Variants in JAKMIP2 observed in about 807,000 individuals in gnomAD.
JAKMIP2 encodes janus kinase and microtubule interacting protein 2.
JAKMIP2 carries 25 observed loss-of-function variants against 115.0 expected under a neutral mutation model. The observed-to-expected ratio is 0.22, with a 90% confidence interval of 0.16 to 0.30. The LOEUF is 0.30. Among genes scored for constraint, JAKMIP2 ranks in the 10% least tolerant of loss-of-function variants. JAKMIP2 has a pLI of 1.00. For synonymous variants in JAKMIP2, 334 were observed against 343.6 expected, an observed-to-expected ratio of 0.97 and a Z score of 0.31; for missense variants, 642 against 957.6, an observed-to-expected ratio of 0.67 and a Z score of 4.35.
chr5:147,748,206 C>T (rs1016730863), intron 1 of JAKMIP2, among the ~76,000 whole-genome samples: 1 of 151,988 alleles, frequency 6.6e-6, no homozygotes. Context: ...TGTGTCTTCA[C>T]GTGTGAAATG....
At chr5:147,683,795 A>G (rs1760432751) in intron 1 of JAKMIP2, among the ~76,000 whole-genome samples, 1 of 152,224 alleles carries the variant, frequency 6.6e-6, no homozygotes, top group African/African-American at 2.4e-5. Flanking sequence ...TAAAAAAGGC[A>G]GAACAATTTC....
intron 2 of JAKMIP2, among the ~76,000 whole-genome samples, chr5:147,664,011 C>T (rs977345579): frequency 6.6e-5 from 10 of 152,158 alleles, no homozygotes; most frequent in African/African-American, 2.2e-4. Flanking sequence ...TGTAAAATAT[C>T]TCCTTTATCG....
At chr5:147,729,347 AAAG>A (rs1347909945) in intron 1 of JAKMIP2, among the ~76,000 whole-genome samples, 2 of 152,174 alleles carry the variant, frequency 1.3e-5, no homozygotes, top group Admixed American at 1.3e-4. Context: ...TTGAAAACTA[AAAG>A]AAGATGCTTA....
In JAKMIP2 at chr5:147,705,093, C is replaced by T. The variant is rs185937756; in HGVS notation, c.-148-33139G>A. Among the ~76,000 whole-genome samples, 31 of 152,286 alleles carry T rather than the reference C, an allele frequency of 2.0e-4. No individual in the cohort carries two copies. The East Asian group carries it at 5.2e-3, about 26-fold the overall frequency. ...TTGCTGCAAAACAGAATGTTCTTCG[C>T]TTTAAGAATAATTTTCCTCTGGTTT... On this transcript the variant is annotated intron_variant, in intron 1 of 21. Coordinates refer to ENST00000616793, the MANE Select transcript of JAKMIP2 (RefSeq NM_001270941.2).
chr5:147,635,858 G>A (rs1419921565), intron 12 of JAKMIP2, among the ~76,000 whole-genome samples: 1 of 152,138 alleles, frequency 6.6e-6, no homozygotes, highest in African/African-American at 2.4e-5. Context: ...ACTGTGCCTG[G>A]CCCTCATAGA....
chr5:147,735,326 G>A (rs1224379399), intron 1 of JAKMIP2, among the ~76,000 whole-genome samples: 3 of 152,138 alleles, frequency 2.0e-5, no homozygotes, highest in East Asian at 3.9e-4. Context: ...TTCTCAGGCT[G>A]CTAATAAAGA....
chr5:147,597,279 A>G (rs1187851489), intron 21 of JAKMIP2, among the ~76,000 whole-genome samples: 1 of 152,156 alleles, frequency 6.6e-6, no homozygotes, highest in East Asian at 1.9e-4. Flanking sequence ...GCACGTTTTA[A>G]CAAATAATAC....
chr5:147,643,197 C>CCTAAT (rs1184129400), intron 7 of JAKMIP2, among the ~76,000 whole-genome samples: 1 of 152,094 alleles, frequency 6.6e-6, no homozygotes, highest in Non-Finnish European at 1.5e-5. Flanking sequence ...AAATTACCTT[C>CCTAAT]CTAATCTAAT....
At chr5:147,729,543 G>C (rs1359780156) in intron 1 of JAKMIP2, among the ~76,000 whole-genome samples, 6 of 152,108 alleles carry the variant, frequency 3.9e-5, no homozygotes, top group Non-Finnish European at 7.3e-5. Context: ...GGAGGCCGAG[G>C]TGGGCAGATC....
At chr5:147,604,299 A>G (rs1561841870) in intron 20 of JAKMIP2, among the ~76,000 whole-genome samples, 1 of 152,250 alleles carries the variant, frequency 6.6e-6, no homozygotes, top group Non-Finnish European at 1.5e-5. Flanking sequence ...TTTAAAAATT[A>G]CACTTTTAGA....
chr5:147,689,019 GA>G (rs1252749732), intron 1 of JAKMIP2, among the ~76,000 whole-genome samples: 1 of 152,222 alleles, frequency 6.6e-6, no homozygotes, highest in Non-Finnish European at 1.5e-5. Context: ...CGACAGGAAG[GA>G]TCCAGGTGGT....
At chr5:147,672,208 AG>A (rs1435150964) in intron 1 of JAKMIP2, among the ~76,000 whole-genome samples, 1 of 151,926 alleles carries the variant, frequency 6.6e-6, no homozygotes, top group Non-Finnish European at 1.5e-5. Flanking sequence ...CATGTCTTGG[AG>A]TGTTCTTTTT....
chr5:147,782,628 C>T lies in JAKMIP2; in HGVS notation c.-321G>A. 2 of 711,590 alleles carry T rather than the reference C, an allele frequency of 2.8e-6. No homozygotes were observed. The highest frequency in any genetic ancestry group is 5.0e-6 in the Non-Finnish European group (2 of 398,328). 44.1% of individuals were successfully genotyped at this position (711,590 alleles called of 1,614,324 possible). The stretch of plus-strand genomic sequence containing the variant: ...GTGCGAATAGGAACCACCCTTCCAG[C>T]CCCACTAGAGTATCAGCAATAGAGG... On this transcript the variant is annotated 5_prime_UTR_variant, in exon 1 of 22. Transcript: ENST00000616793.
intron 1 of JAKMIP2, among the ~76,000 whole-genome samples, chr5:147,719,908 T>C (rs916084270): frequency 6.6e-6 from 1 of 152,158 alleles, no homozygotes; most frequent in South Asian, 2.1e-4. Flanking sequence ...TAGCTGGTGA[T>C]TTTGCTCATT....
chr5:147,585,641 A>T lies in JAKMIP2; in HGVS notation c.*6066T>A, dbSNP rs1167015360. ...GGATCATTCTGGTGAAACTCAGTCA[A>T]TTTTTATTTTTCTTTCATTAATAAA... On this transcript the variant is annotated 3_prime_UTR_variant, in exon 22 of 22. Transcript: ENST00000616793. 1 of 152,150 alleles carries T rather than the reference A, an allele frequency of 6.6e-6. No individual in the cohort carries two copies. The highest frequency in any genetic ancestry group is 1.5e-5 in the Non-Finnish European group (1 of 68,026). 9.4% of individuals were successfully genotyped at this position (152,150 alleles called of 1,614,324 possible).
chr5:147,599,212 C>T (rs1446944466), intron 21 of JAKMIP2, among the ~76,000 whole-genome samples: 1 of 152,058 alleles, frequency 6.6e-6, no homozygotes, highest in Non-Finnish European at 1.5e-5. Flanking sequence ...AATGATTTTC[C>T]AGGCACTGTT....
At chr5:147,600,753 G>T (rs1174781254) in intron 21 of JAKMIP2, among the ~76,000 whole-genome samples, 4 of 152,076 alleles carry the variant, frequency 2.6e-5, no homozygotes, top group African/African-American at 9.7e-5. Flanking sequence ...GACTCAGCAA[G>T]TCTGAGGTGG....
chr5:147,715,293 T>G (rs1752931231), intron 1 of JAKMIP2, among the ~76,000 whole-genome samples: 1 of 151,926 alleles, frequency 6.6e-6, no homozygotes, highest in Non-Finnish European at 1.5e-5. Context: ...GTAGTAGATT[T>G]AAATCTAAAT....
At chr5:147,669,540 CT>C (rs1481975864) in intron 2 of JAKMIP2, among the ~76,000 whole-genome samples, 3 of 152,304 alleles carry the variant, frequency 2.0e-5, no homozygotes, top group South Asian at 2.1e-4. Flanking sequence ...CTCAGAGCCT[CT>C]GTTTCTGAGA....
Sources: gnomAD v4.1 joint callset for allele counts (sites outside exome capture counted in the v4.1 genomes callset) on GRCh38, gnomAD v4.1.1 for gene constraint, MANE v1.5 for transcripts, NCBI Gene and HGNC (gene_info 2026-07-23, HGNC 2026-07-21) for gene names.